The following NTRK2 variants were observed in gnomAD, a reference collection of about 807,000 sequenced individuals.
NTRK2 encodes the protein neurotrophic receptor tyrosine kinase 2, also known as BDNF/NT-3 growth factors receptor.
Under a neutral mutation model 94.5 loss-of-function variants are expected in NTRK2, and 13 were observed. The observed-to-expected ratio is 0.14, with a 90% confidence interval of 0.09 to 0.22. The LOEUF (loss-of-function observed/expected upper bound fraction) is 0.22. Ranked by LOEUF, NTRK2 falls within the 10% of genes least tolerant of loss-of-function variation. The probability of loss-of-function intolerance (pLI) is 1.00; values close to 1 mark genes in which losing one functional copy is unlikely to be tolerated. For synonymous variants in NTRK2, 372 were observed against 407.4 expected, an observed-to-expected ratio of 0.91 and a Z score of 1.05; for missense variants, 639 against 1,071.2, an observed-to-expected ratio of 0.60 and a Z score of 5.63.
intron 4 of NTRK2, among the ~76,000 whole-genome samples, chr9:84,705,801 T>A (rs538797000): frequency 6.6e-5 from 10 of 150,386 alleles, no homozygotes; most frequent in Non-Finnish European, 1.3e-4. Context: ...TTTTTTTTTT[T>A]TTTTAAAGAA....
intron 5 of NTRK2, among the ~76,000 whole-genome samples, chr9:84,708,936 A>C (rs2061269439): frequency 6.6e-6 from 1 of 152,252 alleles, no homozygotes; most frequent in Non-Finnish European, 1.5e-5. Flanking sequence ...AGGGTAAAGT[A>C]CTTGGTGTAA....
At chr9:84,962,432 T>C (rs1004055464) in intron 17 of NTRK2, among the ~76,000 whole-genome samples, 4 of 152,208 alleles carry the variant, frequency 2.6e-5, no homozygotes, top group African/African-American at 2.4e-5. Context: ...CTTGGTCCCA[T>C]CCTTCACCCA....
intron 12 of NTRK2, among the ~76,000 whole-genome samples, chr9:84,806,957 G>T (rs1411664474): frequency 6.6e-6 from 1 of 152,218 alleles, no homozygotes; most frequent in Non-Finnish European, 1.5e-5. Flanking sequence ...TGCTACCTTG[G>T]TGCCCCATCC....
chr9:84,752,154 C>A, intron 12 of NTRK2, 69 bp downstream of exon 12: 5 of 1,193,972 alleles, frequency 4.2e-6, no homozygotes, highest in Non-Finnish European at 6.2e-6. Context: ...TGCTAATTAC[C>A]ACTAAAGAAG....
At chr9:84,980,783 G>A (rs1169389451) in intron 17 of NTRK2, among the ~76,000 whole-genome samples, 6 of 152,252 alleles carry the variant, frequency 3.9e-5, no homozygotes, top group Admixed American at 3.9e-4. Flanking sequence ...GGCTTGGGTA[G>A]CATGTCCAAA....
intron 16 of NTRK2, among the ~76,000 whole-genome samples, chr9:84,952,111 A>C (rs1823528587): frequency 6.6e-6 from 1 of 152,208 alleles, no homozygotes; most frequent in African/African-American, 2.4e-5. Context: ...CTTTCTAAGC[A>C]TTTTAATATG....
chr9:84,790,431 A>T (rs553312847), intron 12 of NTRK2, among the ~76,000 whole-genome samples: 4 of 152,272 alleles, frequency 2.6e-5, no homozygotes, highest in Non-Finnish European at 5.9e-5. Context: ...ACTCACCAAG[A>T]TGTAGGAGGG....
chr9:84,884,539 T>G (rs926424695), intron 14 of NTRK2, among the ~76,000 whole-genome samples: 4 of 152,242 alleles, frequency 2.6e-5, no homozygotes, highest in African/African-American at 9.6e-5. Flanking sequence ...CATATTTTCC[T>G]AATTATACAC....
intron 12 of NTRK2, among the ~76,000 whole-genome samples, chr9:84,788,270 A>T (rs936219997): frequency 6.6e-6 from 1 of 152,214 alleles, no homozygotes. Flanking sequence ...TTGGGAAAAT[A>T]GGAGGAAAAT....
In NTRK2 at chr9:84,903,639, A is replaced by G. The variant is rs1196300882; in HGVS notation, c.1634-30523A>G. Among the ~76,000 whole-genome samples the G allele has an allele frequency of 2.6e-5, 4 of 151,874 alleles. No homozygotes were observed. The East Asian group carries it at 7.7e-4, about 29-fold the overall frequency. On this transcript the variant is annotated intron_variant, in intron 14 of 18. Transcript: ENST00000277120. ...CTTTCCTTCTTTCTTCTGATGTCCA[A>G]TTGTTCTTTCTTGTCTCTATTCTTT...
intron 14 of NTRK2, among the ~76,000 whole-genome samples, chr9:84,870,331 G>GTGTA (rs1349303529): frequency 1.3e-3 from 40 of 31,174 alleles, no homozygotes; most frequent in South Asian, 3.0e-3. Context: ...GTGTGTGTGT[G>GTGTA]TATATATATA....
chr9:84,787,625 CA>C (rs1469683272), intron 12 of NTRK2, among the ~76,000 whole-genome samples: 3 of 152,162 alleles, frequency 2.0e-5, no homozygotes, highest in Admixed American at 6.6e-5. Flanking sequence ...AGAAGTCAGG[CA>C]AAACCCTCAT....
Position 84,745,059 on chromosome 9 carries a change from C to A in NTRK2, c.1282C>A (p.Arg428=). The part of the protein sequence containing the change: ...PSTDVTDKTG[R]EHLSVYAVVV... The stretch of plus-strand genomic sequence containing the variant: ...CACAGACGTCACTGATAAAACCGGT[C>A]GGGAACATCTCTCGGTGAGTGGAAT... Residue 428 remains arginine, a synonymous_variant, in exon 11 of 19, where the codon CGG becomes AGG. Coordinates refer to ENST00000277120, the MANE Select transcript of NTRK2 (RefSeq NM_006180.6). 6.2e-7 allele frequency: 1 copy of A among 1,613,066 alleles called. No individual in the cohort carries two copies. Among genetic ancestry groups the A allele is most frequent in the African/African-American group, 1.3e-5 (1 of 74,928 alleles).
rs968598204 is a variant in NTRK2 at position 84,846,789 on chromosome 9, G to A, written c.1397-14251G>A. ...CCTTGCCATGCAGGCTGCTGCCAGC[G>A]TAAAACTGCCCATCAAAAGCCTGCA... On this transcript the variant is annotated intron_variant, in intron 12 of 18. Transcript: ENST00000277120. Among the ~76,000 whole-genome samples the A allele has an allele frequency of 3.3e-5, 5 of 152,212 alleles. No homozygotes were observed. In the East Asian group the frequency reaches 5.8e-4, roughly 18 times the overall value.
At position 85,023,313 on chromosome 9, in the gene NTRK2, T is replaced by C. The variant is rs1832874133; in HGVS notation, c.*1876T>C. ...TGAAAGGGAGTGATTTTCATTCATCTTAGGTCATGTTATTTCATATTTGTT... is the reference window on the plus strand; with the variant it reads ...TGAAAGGGAGTGATTTTCATTCATCCTAGGTCATGTTATTTCATATTTGTT... On this transcript the variant is annotated 3_prime_UTR_variant, in exon 19 of 19. Transcript: ENST00000277120. 1 of 232,750 alleles carries C rather than the reference T, an allele frequency of 4.3e-6. No individual in the cohort carries two copies. The highest frequency in any genetic ancestry group is 2.2e-5 in the African/African-American group (1 of 45,346). 14.4% of individuals were successfully genotyped at this position (232,750 alleles called of 1,614,324 possible). A position where few individuals can be genotyped will look rare whatever the true frequency, so the allele number is the denominator to read the frequency against.
Position 84,850,220 on chromosome 9 carries a change from C to CA in NTRK2, c.1397-10813dup, listed in dbSNP as rs1194467362. On this transcript the variant is annotated intron_variant, in intron 12 of 18. Coordinates refer to ENST00000277120, the MANE Select transcript of NTRK2 (RefSeq NM_006180.6). Reference sequence around the variant, plus strand: ...ACATGTCTGGTGGGGAAAAAAAAAACAAAAAAACAAAAACAAAACATCAAA... The same window carrying CA: ...ACATGTCTGGTGGGGAAAAAAAAAACAAAAAAAACAAAAACAAAACATCAAA... Among the ~76,000 whole-genome samples the CA allele has an allele frequency of 5.3e-5, 8 of 150,764 alleles. No individual in the cohort carries two copies. The South Asian group carries it at 1.3e-3, about 24-fold the overall frequency.
chr9:84,840,062 G>T (rs1320574364), intron 12 of NTRK2, among the ~76,000 whole-genome samples: 2 of 151,094 alleles, frequency 1.3e-5, no homozygotes, highest in East Asian at 3.9e-4. Context: ...TAAAAATTTA[G>T]AAATAAAATA....
intron 17 of NTRK2, among the ~76,000 whole-genome samples, chr9:85,015,746 A>G (rs940203302): frequency 3.3e-5 from 5 of 152,120 alleles, no homozygotes; most frequent in African/African-American, 2.4e-5. Context: ...GTGGGACTTG[A>G]GCTTGCCTTC....
At chr9:84,967,998 G>A (rs1588073349) in intron 17 of NTRK2, among the ~76,000 whole-genome samples, 3 of 152,174 alleles carry the variant, frequency 2.0e-5, no homozygotes, top group Admixed American at 1.3e-4. Context: ...TAGGAACAAC[G>A]ACCTTAGAAG....
Sources: allele counts gnomAD v4.1 joint callset (sites outside exome capture counted in the v4.1 genomes callset), GRCh38; gene constraint gnomAD v4.1.1; transcripts MANE v1.5; gene names NCBI Gene and HGNC (gene_info 2026-07-23, HGNC 2026-07-21).